C8orf74: variants seen among roughly 807,000 people sequenced by gnomAD.
The protein encoded by C8orf74 is chromosome 8 open reading frame 74.
A neutral mutation model predicts 22.2 loss-of-function variants in C8orf74; 29 were observed. The ratio of observed to expected loss-of-function variants is 1.31; its 90% CI spans 0.97 to 1.78. The LOEUF (loss-of-function observed/expected upper bound fraction) is 1.78. C8orf74 is among the 40% of genes most tolerant of loss of function. The pLI is 0.00. For missense variants in C8orf74, 515 were observed against 369.9 expected (o/e 1.39, Z -3.22); for synonymous variants, 255 against 163.1 (o/e 1.56, Z -4.30).
chr8:10,676,430 C>T (rs1373965692), intron 2 of C8orf74, among the ~76,000 whole-genome samples: 1 of 152,190 alleles, frequency 6.6e-6, no homozygotes, highest in East Asian at 1.9e-4. Flanking sequence ...GATTGGTCCA[C>T]TGCTTTCAAA....
At position 10,674,847 on chromosome 8, in the gene C8orf74, T is replaced by A. The variant is rs775097678; in HGVS notation, c.241+9T>A. The stretch of plus-strand genomic sequence containing the variant: ...GCTAAGGGAAACCAAAGGTATGGTG[T>A]GTCCAGGGCAGGAGTCAGCAGAGGC... On this transcript the variant is annotated intron_variant, in intron 2 of 3. Transcript: ENST00000304519. 6 of 1,580,306 alleles carry A rather than the reference T, an allele frequency of 3.8e-6. No homozygotes were observed. The highest frequency in any genetic ancestry group is 5.2e-6 in the Non-Finnish European group (6 of 1,162,788).
At chr8:10,698,899 CACCACACA>C (rs1456672454) in intron 3 of C8orf74, among the ~76,000 whole-genome samples, 1 of 116,630 alleles carries the variant, frequency 8.6e-6, no homozygotes, top group African/African-American at 3.6e-5. Flanking sequence ...GTTACACACA[CACCACACA>C]CACACACACA....
intron 2 of C8orf74, among the ~76,000 whole-genome samples, chr8:10,682,694 C>A (rs916923977): frequency 1.3e-5 from 2 of 152,342 alleles, no homozygotes; most frequent in Non-Finnish European, 1.5e-5. Context: ...GACCTCAACA[C>A]GTAAACTAGG....
chr8:10,679,920 G>T (rs557380540), intron 2 of C8orf74: 2 of 152,816 alleles, frequency 1.3e-5, no homozygotes, highest in African/African-American at 4.8e-5. Context: ...GGAGTCCTCA[G>T]CTGGAGAGTG....
At chr8:10,683,083 G>A (rs1228446691) in intron 2 of C8orf74, among the ~76,000 whole-genome samples, 4 of 152,236 alleles carry the variant, frequency 2.6e-5, no homozygotes, top group Admixed American at 6.5e-5. Context: ...AGGGGTGCAG[G>A]AAGGCCTGAG....
chr8:10,696,009 G>A (rs1436981256), intron 2 of C8orf74, among the ~76,000 whole-genome samples: 4 of 152,178 alleles, frequency 2.6e-5, no homozygotes, highest in Admixed American at 2.0e-4. Flanking sequence ...CCAGGACGGT[G>A]TCTGCGAGAA....
intron 2 of C8orf74, among the ~76,000 whole-genome samples, chr8:10,684,239 T>G (rs777314300): frequency 6.6e-6 from 1 of 152,184 alleles, no homozygotes; most frequent in Non-Finnish European, 1.5e-5. Flanking sequence ...CATCACACAA[T>G]AGAGGGAAGA....
At chr8:10,692,737 C>A (rs1799408076) in intron 2 of C8orf74, 1 of 152,016 alleles carries the variant, frequency 6.6e-6, no homozygotes, top group African/African-American at 2.4e-5. Flanking sequence ...CTCCCAGGCT[C>A]AAGGGATACC....
chr8:10,690,342 G>A (rs994452417), intron 2 of C8orf74, among the ~76,000 whole-genome samples: 1 of 152,158 alleles, frequency 6.6e-6, no homozygotes, highest in Admixed American at 6.5e-5. Context: ...TCACCTGGGC[G>A]GTACAGTCCC....
intron 3 of C8orf74, among the ~76,000 whole-genome samples, chr8:10,698,960 G>C (rs1799593349): frequency 6.7e-6 from 1 of 149,330 alleles, no homozygotes. Context: ...AATCTCTAAA[G>C]AGCAATGAGC....
chr8:10,700,039 T>A (rs955917676), intron 3 of C8orf74, among the ~76,000 whole-genome samples, 196 bp from the exon 4 acceptor site: 1 of 151,964 alleles, frequency 6.6e-6, no homozygotes, highest in Non-Finnish European at 1.5e-5. Flanking sequence ...GATGAGGACC[T>A]CCCCACCCTC....
intron 1 of C8orf74, 52 bp from the exon 2 acceptor site, chr8:10,674,594 T>G (rs920817264): frequency 1.2e-5 from 16 of 1,308,734 alleles, no homozygotes; most frequent in Non-Finnish European, 1.5e-5. Flanking sequence ...CCCTATATCA[T>G]GCCCTGCAAC....
intron 2 of C8orf74, among the ~76,000 whole-genome samples, chr8:10,676,954 G>A (rs984405734): frequency 8.5e-5 from 13 of 152,208 alleles, no homozygotes; most frequent in Non-Finnish European, 1.5e-4. Context: ...GAAAACAGTC[G>A]ATGATGATGC....
At chr8:10,685,978 A>G (rs1402481618) in intron 2 of C8orf74, among the ~76,000 whole-genome samples, 2 of 152,182 alleles carry the variant, frequency 1.3e-5, no homozygotes. Context: ...CTGAGGCGGG[A>G]GAATCACTTG....
chr8:10,689,800 T>G (rs75317898), intron 2 of C8orf74: 2 of 152,176 alleles, frequency 1.3e-5, no homozygotes, highest in African/African-American at 4.8e-5. Flanking sequence ...ACATTTACCC[T>G]TCATTAAGCG....
chr8:10,690,605 G>C (rs922256188), intron 2 of C8orf74, among the ~76,000 whole-genome samples: 4 of 152,096 alleles, frequency 2.6e-5, no homozygotes, highest in African/African-American at 4.8e-5. Context: ...GGTTTATCGG[G>C]GTACCTGAGT....
At chr8:10,681,902 C>G (rs112013180) in intron 2 of C8orf74, among the ~76,000 whole-genome samples, 4,117 of 152,216 alleles carry the variant, frequency 0.027, 183 homozygotes, top group African/African-American at 0.093. Context: ...ACTCCTGGTT[C>G]TAAAGGAAAT....
At chr8:10,680,411 A>G (rs766841434) in intron 2 of C8orf74, among the ~76,000 whole-genome samples, 45 of 152,330 alleles carry the variant, frequency 3.0e-4, no homozygotes, top group Non-Finnish European at 5.9e-4. Context: ...TAAGTGCTTA[A>G]TCAATGTTCG....
At chr8:10,692,224 A>C (rs1586047734) in intron 2 of C8orf74, 1 of 152,622 alleles carries the variant, frequency 6.6e-6, no homozygotes, top group East Asian at 1.9e-4. Flanking sequence ...TTCTGAGGGC[A>C]GCAGCAGCCA....
Sources: gnomAD v4.1 joint callset for allele counts (sites outside exome capture counted in the v4.1 genomes callset) on GRCh38, gnomAD v4.1.1 for gene constraint, MANE v1.5 for transcripts, NCBI Gene and HGNC (gene_info 2026-07-23, HGNC 2026-07-21) for gene names.